MRPL14: variants seen among roughly 807,000 people sequenced by gnomAD.
MRPL14 encodes mitochondrial ribosomal protein L14.
In MRPL14, 8 loss-of-function variants were observed where a neutral mutation model predicts 10.9. That is an observed-to-expected ratio of 0.74 (90% CI 0.43 to 1.33). The LOEUF is 1.33. Among genes scored for constraint, MRPL14 ranks in the 40% most tolerant of loss-of-function variants. MRPL14 has a pLI of 0.01. For synonymous variants in MRPL14, 82 were observed against 74.1 expected (o/e 1.11, Z -0.54); for missense variants, 179 against 194.5 (o/e 0.92, Z 0.47).
chr6:44,116,315 C>T (rs1775845315), intron 2 of MRPL14, among the ~76,000 whole-genome samples: 1 of 152,172 alleles, frequency 6.6e-6, no homozygotes, highest in African/African-American at 2.4e-5. Flanking sequence ...AAAGCTTCCG[C>T]CATATGCCAT....
At chr6:44,116,830 G>A (rs1775898252) in intron 1 of MRPL14, among the ~76,000 whole-genome samples, 1 of 152,126 alleles carries the variant, frequency 6.6e-6, no homozygotes, top group South Asian at 2.1e-4. Flanking sequence ...TCTAACTCTG[G>A]GGTTGGAGAG....
At chr6:44,116,493 G>T in intron 2 of MRPL14, 48 bp downstream of exon 2, 1 of 1,574,304 alleles carries the variant, frequency 6.4e-7, no homozygotes. Context: ...GCCCTGATAG[G>T]AAGCTTACAC....
intron 1 of MRPL14, 169 bp downstream of exon 1, chr6:44,127,175 T>TCCCCGTCGGGACCCCCCCC (rs1777228097): frequency 1.9e-5 from 2 of 106,474 alleles, no homozygotes; most frequent in South Asian, 3.5e-4. Context: ...GGGACCCCCC[T>TCCCCGTCGGGACCCCCCCC]CCCCGTCGGG....
At chr6:44,114,261 TGCAC>T in intron 2 of MRPL14, 52 bp from the exon 3 acceptor site, 1 of 1,554,264 alleles carries the variant, frequency 6.4e-7, no homozygotes, top group Admixed American at 1.8e-5. Flanking sequence ...ATGGTCAGGG[TGCAC>T]AGGCCTCTGA....
intron 1 of MRPL14, among the ~76,000 whole-genome samples, chr6:44,119,257 T>G (rs193220166): frequency 2.6e-3 from 402 of 152,290 alleles, no homozygotes; most frequent in African/African-American, 9.1e-3. Context: ...GCGCGGTGGC[T>G]CATGCCTGTA....
At position 44,114,004 on chromosome 6, in the gene MRPL14, C is replaced by G. The variant is rs893242696; in HGVS notation, c.277G>C (p.Gly93Arg). 6.2e-7 allele frequency: 1 copy of G among 1,614,138 alleles called. No individual in the cohort carries two copies. The highest frequency in any genetic ancestry group is 2.2e-5 in the East Asian group (1 of 44,876). The change falls in exon 3 of 3, where the codon GGC becomes CGC. Residue 93 changes from glycine (G) to arginine (R), a missense_variant. Coordinates refer to ENST00000372014, the MANE Select transcript of MRPL14 (RefSeq NM_032111.4). The part of the protein sequence containing the change: ...KALIVGHCMP[G>R]PRMTPRFDSN... Reference sequence around the variant, plus strand: ...TCGAATCTGGGGGTCATTCGGGGGCCAGGCATGCAGTGCCCCACAATGAGC... The same window carrying G: ...TCGAATCTGGGGGTCATTCGGGGGCGAGGCATGCAGTGCCCCACAATGAGC...
At chr6:44,124,862 CCTG>C (rs1762083045) in intron 1 of MRPL14, among the ~76,000 whole-genome samples, 1 of 152,170 alleles carries the variant, frequency 6.6e-6, no homozygotes, top group African/African-American at 2.4e-5. Context: ...TAAACCATAA[CCTG>C]CTTTTCGAGA....
At chr6:44,123,920 A>G (rs1478171953) in intron 1 of MRPL14, among the ~76,000 whole-genome samples, 1 of 152,216 alleles carries the variant, frequency 6.6e-6, no homozygotes, top group East Asian at 1.9e-4. Flanking sequence ...ATTCTCAATT[A>G]TTCAAGATGG....
intron 1 of MRPL14, among the ~76,000 whole-genome samples, chr6:44,122,274 G>C (rs1459705730): frequency 6.6e-6 from 1 of 152,082 alleles, no homozygotes; most frequent in Non-Finnish European, 1.5e-5. Flanking sequence ...AGTAGAGACG[G>C]GGGTTTCACT....
chr6:44,119,118 C>A (rs183783757), intron 1 of MRPL14, among the ~76,000 whole-genome samples: 3 of 152,282 alleles, frequency 2.0e-5, no homozygotes, highest in African/African-American at 7.2e-5. Context: ...GAAATATGAA[C>A]CCCAGTTGTG....
At chr6:44,121,323 T>C (rs144921534) in intron 1 of MRPL14, among the ~76,000 whole-genome samples, 204 of 120,290 alleles carry the variant, frequency 1.7e-3, no homozygotes, top group African/African-American at 6.2e-3. Context: ...TTTTAGAATA[T>C]GAATCACAAC....
intron 1 of MRPL14, among the ~76,000 whole-genome samples, chr6:44,120,707 A>C (rs1776311989): frequency 6.6e-6 from 1 of 152,228 alleles, no homozygotes; most frequent in South Asian, 2.1e-4. Flanking sequence ...AAAAGACCCC[A>C]GCCAGTCCTG....
intron 2 of MRPL14, among the ~76,000 whole-genome samples, chr6:44,115,288 A>G (rs1389531219): frequency 1.3e-5 from 2 of 152,054 alleles, no homozygotes; most frequent in African/African-American, 2.4e-5. Context: ...CTAGTTCTAT[A>G]TATTTCCACT....
intron 1 of MRPL14, among the ~76,000 whole-genome samples, chr6:44,118,519 C>T (rs780287976): frequency 2.0e-5 from 3 of 152,244 alleles, no homozygotes; most frequent in Non-Finnish European, 4.4e-5. Context: ...CAGCCTTGCT[C>T]TGCTATACCA....
intron 1 of MRPL14, among the ~76,000 whole-genome samples, chr6:44,125,713 C>T (rs1455335013): frequency 2.1e-5 from 3 of 142,350 alleles, no homozygotes; most frequent in Admixed American, 2.1e-4. Flanking sequence ...AATCCAAAAA[C>T]CAGACAACTA....
At chr6:44,122,435 G>A (rs560534934) in intron 1 of MRPL14, among the ~76,000 whole-genome samples, 1 of 152,214 alleles carries the variant, frequency 6.6e-6, no homozygotes, top group African/African-American at 2.4e-5. Context: ...CAAAGAACCT[G>A]TACCTCTGAT....
At chr6:44,117,030 C>G (rs1775916234) in intron 1 of MRPL14, among the ~76,000 whole-genome samples, 1 of 152,228 alleles carries the variant, frequency 6.6e-6, no homozygotes, top group African/African-American at 2.4e-5. Flanking sequence ...ATTCATATGC[C>G]TTCTGAAACC....
chr6:44,120,608 C>T (rs1368446785), intron 1 of MRPL14, among the ~76,000 whole-genome samples: 1 of 152,128 alleles, frequency 6.6e-6, no homozygotes, highest in Non-Finnish European at 1.5e-5. Context: ...AACTTGAAAG[C>T]ACAAAAGAAT....
chr6:44,126,389 G>T (rs1777047235), intron 1 of MRPL14, among the ~76,000 whole-genome samples: 1 of 152,188 alleles, frequency 6.6e-6, no homozygotes, highest in African/African-American at 2.4e-5. Flanking sequence ...AAACCTTACA[G>T]TTGCATTCCA....
Sources: gnomAD v4.1 joint callset for allele counts (sites outside exome capture counted in the v4.1 genomes callset) on GRCh38, gnomAD v4.1.1 for gene constraint, MANE v1.5 for transcripts, NCBI Gene and HGNC (gene_info 2026-07-23, HGNC 2026-07-21) for gene names.